The following METTL15 variants were observed in gnomAD, a reference collection of about 807,000 sequenced individuals.
METTL15 encodes the protein 12S rRNA N(4)-cytidine methyltransferase METTL15.
Under a neutral mutation model 38.3 loss-of-function variants are expected in METTL15, and 34 were observed. The observed-to-expected ratio is 0.89, with a 90% CI of 0.68 to 1.18. The LOEUF is 1.18. Ranked by LOEUF, METTL15 falls within the 50% of genes most tolerant of loss-of-function variation. The probability of loss-of-function intolerance (pLI) is 0.00; values close to 1 mark genes in which losing one functional copy is unlikely to be tolerated. For missense variants in METTL15, 438 were observed against 498.4 expected, an observed-to-expected ratio of 0.88 and a Z score of 1.15; for synonymous variants, 162 against 170.9, an observed-to-expected ratio of 0.95 and a Z score of 0.41.
intron 5 of METTL15, among the ~76,000 whole-genome samples, chr11:28,388,365 G>C (rs1291283921): frequency 6.6e-6 from 1 of 152,006 alleles, no homozygotes; most frequent in Non-Finnish European, 1.5e-5. Context: ...ATTCAAGAAA[G>C]TTGCATGATA....
intron 3 of METTL15, among the ~76,000 whole-genome samples, chr11:28,340,801 C>T (rs1273975861): frequency 6.6e-6 from 1 of 152,116 alleles, no homozygotes; most frequent in Non-Finnish European, 1.5e-5. Context: ...TACCATTTGA[C>T]CCAGCAATCC....
downstream of METTL15, among the ~76,000 whole-genome samples, chr11:28,334,967 T>G (rs1489526339): frequency 6.6e-6 from 1 of 152,174 alleles, no homozygotes; most frequent in East Asian, 1.9e-4. Flanking sequence ...GGAGATTGTG[T>G]CTTTGGTAAT....
intron 6 of METTL15, among the ~76,000 whole-genome samples, chr11:28,506,056 A>T (rs1297039876): frequency 6.6e-6 from 1 of 152,224 alleles, no homozygotes; most frequent in African/African-American, 2.4e-5. Context: ...TGTCTAAGTC[A>T]TAAACTCAGT....
At chr11:28,351,316 G>T (rs1051160756) in intron 3 of METTL15, among the ~76,000 whole-genome samples, 5 of 151,990 alleles carry the variant, frequency 3.3e-5, no homozygotes, top group African/African-American at 1.2e-4. Context: ...TCACTATGTT[G>T]CCCAGGCTGG....
chr11:28,198,447 A>C (rs1827370985), intron 3 of METTL15, among the ~76,000 whole-genome samples: 2 of 152,054 alleles, frequency 1.3e-5, no homozygotes, highest in African/African-American at 2.4e-5. Context: ...TATTTTGTGA[A>C]TAGGAAAGGA....
intron 5 of METTL15, among the ~76,000 whole-genome samples, chr11:28,364,642 C>T (rs1417966264): frequency 3.3e-5 from 5 of 152,064 alleles, no homozygotes; most frequent in Non-Finnish European, 5.9e-5. Flanking sequence ...GGTATTTTGG[C>T]TTATTCTATT....
intron 3 of METTL15, among the ~76,000 whole-genome samples, chr11:28,115,375 C>T (rs1851896401): frequency 6.6e-6 from 1 of 151,846 alleles, no homozygotes; most frequent in African/African-American, 2.4e-5. Flanking sequence ...TCTCCTGCCT[C>T]AGCCTCCCGA....
chr11:28,455,216 CTTTTTTTTTTT>C (rs34686157), intron 6 of METTL15, among the ~76,000 whole-genome samples: 6 of 85,830 alleles, frequency 7.0e-5, no homozygotes, highest in African/African-American at 2.7e-4. Context: ...GATCAGCTAG[CTTTTTTTTTTT>C]TTTTTTTTTT....
rs1454212843 is a variant in METTL15, at chr11:28,292,521, G to A, written c.599+2124G>A. On this transcript the variant is annotated intron_variant, in intron 5 of 6. Transcript: ENST00000407364. ...GTGAATAGTGCCTCAATAAACATAC[G>A]TGTGCGTGTGTCTTTATAGCAGCAT... Among the ~76,000 whole-genome samples, 6 of 152,154 alleles carry A rather than the reference G, an allele frequency of 3.9e-5. No individual in the cohort carries two copies. The East Asian group carries it at 9.7e-4, about 25-fold the overall frequency.
At chr11:28,404,958 A>T (rs557297095) in intron 5 of METTL15, among the ~76,000 whole-genome samples, 17 of 152,286 alleles carry the variant, frequency 1.1e-4, no homozygotes, top group Admixed American at 2.6e-4. Flanking sequence ...TGTAAGACCA[A>T]TCATAGAAAG....
chr11:28,335,145 A>G (rs1849889468), downstream of METTL15, among the ~76,000 whole-genome samples: 1 of 152,190 alleles, frequency 6.6e-6, no homozygotes, highest in East Asian at 1.9e-4. Flanking sequence ...GCTTTGAGCA[A>G]TAACACTTGT....
At chr11:28,207,681 A>G (rs1168960431) in intron 3 of METTL15, among the ~76,000 whole-genome samples, 1 of 152,028 alleles carries the variant, frequency 6.6e-6, no homozygotes, top group Admixed American at 6.6e-5. Context: ...TTCAGAAGGA[A>G]TGGTACCAAT....
At chr11:28,287,154 CAATGTGTGTG>C (rs1411244776) in intron 4 of METTL15, 1 of 85,382 alleles carries the variant, frequency 1.2e-5, no homozygotes, top group African/African-American at 4.9e-5. Context: ...GAGAGAGAGA[CAATGTGTGTG>C]TGTGTGTGTG....
At chr11:28,158,982 G>T (rs957943983) in intron 3 of METTL15, among the ~76,000 whole-genome samples, 8 of 152,134 alleles carry the variant, frequency 5.3e-5, no homozygotes, top group Non-Finnish European at 8.8e-5. Flanking sequence ...CAGGAATCAA[G>T]GGGTGGAAGT....
intron 3 of METTL15, among the ~76,000 whole-genome samples, chr11:28,157,624 G>C (rs896363720): frequency 2.6e-5 from 4 of 152,170 alleles, no homozygotes; most frequent in African/African-American, 9.6e-5. Context: ...CATGAACTGG[G>C]TACTTTCTGG....
chr11:28,473,856 A>G lies in METTL15; in HGVS notation c.*424+49492A>G, dbSNP rs139973986. Among the ~76,000 whole-genome samples the G allele has an allele frequency of 4.1e-4, 63 of 152,044 alleles. No homozygotes were observed. The East Asian group carries it at 0.012, about 28-fold the overall frequency. On this transcript the variant is annotated intron_variant and NMD_transcript_variant, in intron 6 of 7. Transcript: ENST00000532947. ...GCCTTTCATCTCTATCTGCTTGGTGAGAACCTATGTTTTCTTCAGGGCCCA... is the reference window on the plus strand; with the variant it reads ...GCCTTTCATCTCTATCTGCTTGGTGGGAACCTATGTTTTCTTCAGGGCCCA...
chr11:28,241,541 GAA>G (rs796511518), intron 4 of METTL15, among the ~76,000 whole-genome samples: 1 of 99,608 alleles, frequency 1.0e-5, no homozygotes. Context: ...CTCAAAAAAA[GAA>G]AAAAAAAAAA....
At chr11:28,366,700 A>G (rs2133371916) in intron 5 of METTL15, among the ~76,000 whole-genome samples, 1 of 152,306 alleles carries the variant, frequency 6.6e-6, no homozygotes, top group African/African-American at 2.4e-5. Context: ...TTGAGGCTAT[A>G]TAAAAGACAA....
At chr11:28,116,396 C>T (rs1851958962) in intron 3 of METTL15, among the ~76,000 whole-genome samples, 1 of 152,194 alleles carries the variant, frequency 6.6e-6, no homozygotes, top group Non-Finnish European at 1.5e-5. Context: ...ATTCTAGAAG[C>T]TACTGTTTTT....
Sources: gnomAD v4.1 joint callset for allele counts (sites outside exome capture counted in the v4.1 genomes callset) on GRCh38, gnomAD v4.1.1 for gene constraint, MANE v1.5 for transcripts, NCBI Gene and HGNC (gene_info 2026-07-23, HGNC 2026-07-21) for gene names.